Variants in RMST observed in about 807,000 individuals in gnomAD.
RMST encodes the protein long intergenic non-protein coding RNA 54.
At chr12:97,487,883 C>T (rs933475887) in intron 5 of RMST, among the ~76,000 whole-genome samples, 4 of 152,204 alleles carry the variant, frequency 2.6e-5, no homozygotes, top group Non-Finnish European at 5.9e-5. Flanking sequence ...TTGTGTCTTT[C>T]CTTGTGTTTC....
At chr12:97,554,986 G>A (rs566245289) in intron 11 of RMST, among the ~76,000 whole-genome samples, 1 of 152,266 alleles carries the variant, frequency 6.6e-6, no homozygotes, top group East Asian at 1.9e-4. Context: ...CTAAACAAGA[G>A]AAGAGTAAAT....
chr12:97,502,464 T>C (rs906781900), intron 10 of RMST, among the ~76,000 whole-genome samples: 4 of 152,106 alleles, frequency 2.6e-5, no homozygotes, highest in Non-Finnish European at 5.9e-5. Context: ...GCATCTGCTA[T>C]AATAAATGAT....
chr12:97,545,562 CTCT>C (rs1372311234), intron 11 of RMST, among the ~76,000 whole-genome samples: 3 of 152,100 alleles, frequency 2.0e-5, no homozygotes, highest in Non-Finnish European at 2.9e-5. Context: ...TCTCCTGTAT[CTCT>C]TCTTCTATCA....
intron 9 of RMST, among the ~76,000 whole-genome samples, chr12:97,495,358 A>G (rs1345604227): frequency 6.6e-6 from 1 of 152,118 alleles, no homozygotes; most frequent in Non-Finnish European, 1.5e-5. Flanking sequence ...TACTATTGTA[A>G]TAATATAATG....
exon 7 of RMST, chr12:97,493,237 A>G (rs1877044506): frequency 6.6e-6 from 1 of 152,630 alleles, no homozygotes; most frequent in Non-Finnish European, 1.5e-5. Context: ...GCCAAGGATT[A>G]TTGGATCCCA....
At chr12:97,467,653 C>T (rs1873358445) in intron 5 of RMST, among the ~76,000 whole-genome samples, 1 of 151,956 alleles carries the variant, frequency 6.6e-6, no homozygotes, top group South Asian at 2.1e-4. Context: ...TTTTCAAATA[C>T]CACTATTACA....
chr12:97,539,679 A>G (rs1882353780), intron 11 of RMST, among the ~76,000 whole-genome samples: 2 of 151,614 alleles, frequency 1.3e-5, no homozygotes, highest in African/African-American at 4.8e-5. Context: ...TGTTTTGTGT[A>G]AGACTCTTGA....
At chr12:97,550,168 G>T (rs1002418705) in intron 11 of RMST, among the ~76,000 whole-genome samples, 6 of 152,140 alleles carry the variant, frequency 3.9e-5, no homozygotes, top group Non-Finnish European at 5.9e-5. Flanking sequence ...AAGGCAGTCA[G>T]ATCACCTGAG....
chr12:97,498,886 A>T (rs773979168), intron 10 of RMST, among the ~76,000 whole-genome samples: 1 of 152,190 alleles, frequency 6.6e-6, no homozygotes, highest in Non-Finnish European at 1.5e-5. Context: ...TAAGGGTCAG[A>T]TACTAAGCTG....
intron 5 of RMST, among the ~76,000 whole-genome samples, chr12:97,488,044 C>A (rs1046560686): frequency 6.6e-6 from 1 of 151,720 alleles, no homozygotes; most frequent in African/African-American, 2.4e-5. Context: ...GACATGCCAT[C>A]CCCATCTAGA....
At chr12:97,469,637 C>G (rs144156414) in intron 5 of RMST, among the ~76,000 whole-genome samples, 55 of 149,508 alleles carry the variant, frequency 3.7e-4, no homozygotes, top group African/African-American at 1.2e-3. Flanking sequence ...TAACGAGCAG[C>G]TGAGATGACT....
At chr12:97,490,209 A>G (rs1876622124) in intron 5 of RMST, among the ~76,000 whole-genome samples, 1 of 152,212 alleles carries the variant, frequency 6.6e-6, no homozygotes, top group Admixed American at 6.5e-5. Flanking sequence ...AGTTCCAGGC[A>G]TGTTAATTCC....
intron 11 of RMST, among the ~76,000 whole-genome samples, chr12:97,546,114 A>G (rs927159082): frequency 1.3e-5 from 2 of 152,062 alleles, no homozygotes; most frequent in African/African-American, 4.8e-5. Context: ...AACTATTGTT[A>G]TTTTTTTATG....
At chr12:97,474,490 T>C (rs1874294694) in intron 5 of RMST, among the ~76,000 whole-genome samples, 1 of 152,058 alleles carries the variant, frequency 6.6e-6, no homozygotes, top group Admixed American at 6.6e-5. Context: ...CAATGGAATT[T>C]CTTCCCCTTT....
intron 10 of RMST, among the ~76,000 whole-genome samples, chr12:97,507,445 CTA>C (rs1338941891): frequency 6.6e-6 from 1 of 152,036 alleles, no homozygotes; most frequent in African/African-American, 2.4e-5. Flanking sequence ...GGAAGACAGA[CTA>C]GATTCAATAA....
At chr12:97,502,804 G>A (rs1344613846) in intron 10 of RMST, among the ~76,000 whole-genome samples, 1 of 152,154 alleles carries the variant, frequency 6.6e-6, no homozygotes, top group Non-Finnish European at 1.5e-5. Context: ...GTCAAGTCAG[G>A]AAGTGCTTCA....
chr12:97,468,510 A>G (rs916223451), intron 5 of RMST, among the ~76,000 whole-genome samples: 7 of 151,984 alleles, frequency 4.6e-5, no homozygotes, highest in Non-Finnish European at 1.0e-4. Context: ...ACATTATTTA[A>G]GCACAGTGTT....
intron 10 of RMST, among the ~76,000 whole-genome samples, chr12:97,501,843 C>A (rs1878110723): frequency 6.6e-6 from 1 of 152,126 alleles, no homozygotes; most frequent in Non-Finnish European, 1.5e-5. Flanking sequence ...ATAGATGACG[C>A]AAAAGTTGCT....
chr12:97,537,713 T>G (rs532977884), intron 11 of RMST, among the ~76,000 whole-genome samples: 84 of 151,588 alleles, frequency 5.5e-4, no homozygotes, highest in Admixed American at 1.1e-3. Context: ...GTTATTCAAG[T>G]CACATCATGG....
Sources: allele counts gnomAD v4.1 joint callset (sites outside exome capture counted in the v4.1 genomes callset), GRCh38; gene constraint gnomAD v4.1.1; transcripts MANE v1.5; gene names NCBI Gene and HGNC (gene_info 2026-07-23, HGNC 2026-07-21).